XKR4: variants seen among roughly 807,000 people sequenced by gnomAD.
XKR4 encodes XK-related protein 4.
A neutral mutation model predicts 53.9 loss-of-function variants in XKR4; 12 were observed. The observed-to-expected ratio is 0.22, with a 90% CI of 0.14 to 0.36. The LOEUF is 0.36. XKR4 is among the 10% of genes least tolerant of loss of function. XKR4 has a pLI of 1.00. For missense variants in XKR4, 799 were observed against 859.5 expected, an observed-to-expected ratio of 0.93 and a Z score of 0.88; for synonymous variants, 354 against 362.4, an observed-to-expected ratio of 0.98 and a Z score of 0.26.
At chr8:55,313,254 A>G (rs1442717236) in intron 1 of XKR4, among the ~76,000 whole-genome samples, 3 of 152,210 alleles carry the variant, frequency 2.0e-5, no homozygotes, top group South Asian at 4.1e-4. Context: ...AGTAGGAGGA[A>G]TATTTTAGGG....
intron 2 of XKR4, chr8:55,452,074 G>A: frequency 1.4e-6 from 1 of 705,294 alleles, no homozygotes; most frequent in Admixed American, 2.0e-5. Context: ...GTGACTCGGG[G>A]TGGCTGGCCG....
chr8:55,205,988 G>C (rs1464057817), intron 1 of XKR4, among the ~76,000 whole-genome samples: 2 of 152,178 alleles, frequency 1.3e-5, no homozygotes, highest in African/African-American at 4.8e-5. Flanking sequence ...ACAGACCTTT[G>C]CAGTGAGTGT....
At chr8:55,449,126 G>A (rs530979036) in intron 2 of XKR4, among the ~76,000 whole-genome samples, 1 of 150,752 alleles carries the variant, frequency 6.6e-6, no homozygotes, top group East Asian at 1.9e-4. Flanking sequence ...ATTGACCAAA[G>A]GTGATAACAA....
chr8:55,275,094 T>C (rs1025901540), intron 1 of XKR4, among the ~76,000 whole-genome samples: 1 of 152,198 alleles, frequency 6.6e-6, no homozygotes, highest in African/African-American at 2.4e-5. Flanking sequence ...AAATGAAACA[T>C]CTGTACAAAA....
chr8:55,488,419 A>C (rs1316036018), intron 2 of XKR4, among the ~76,000 whole-genome samples: 1 of 151,354 alleles, frequency 6.6e-6, no homozygotes, highest in Non-Finnish European at 1.5e-5. Context: ...CATAATTGCC[A>C]AACCTGGAAG....
At chr8:55,200,339 A>C (rs1817563963) in intron 1 of XKR4, among the ~76,000 whole-genome samples, 1 of 152,216 alleles carries the variant, frequency 6.6e-6, no homozygotes, top group African/African-American at 2.4e-5. Context: ...AAGTGCTGGG[A>C]TTACAGGCGT....
intron 1 of XKR4, among the ~76,000 whole-genome samples, chr8:55,307,406 C>A (rs894765659): frequency 6.6e-6 from 1 of 152,284 alleles, no homozygotes; most frequent in African/African-American, 2.4e-5. Context: ...TCTCCCAATA[C>A]TTTGGGAGGC....
intron 1 of XKR4, among the ~76,000 whole-genome samples, chr8:55,257,221 A>G (rs1036246034): frequency 6.6e-6 from 1 of 152,240 alleles, no homozygotes; most frequent in African/African-American, 2.4e-5. Flanking sequence ...GCTTCATTAC[A>G]TATTCTAAGG....
intron 2 of XKR4, among the ~76,000 whole-genome samples, chr8:55,385,079 G>A (rs1183815853): frequency 6.6e-6 from 1 of 152,112 alleles, no homozygotes; most frequent in East Asian, 1.9e-4. Flanking sequence ...GTCAGGTAAA[G>A]AAGGATGCTC....
Position 55,537,856 on chromosome 8 carries a change from A to AT in XKR4, c.*13634dup, listed in dbSNP as rs1807050991. On this transcript the variant is annotated 3_prime_UTR_variant, in exon 3 of 3. Transcript: ENST00000327381. ...AGTTTTGCTTTTCTTTTTCCCTAAG[A>AT]TTTTTACTTCACCAAATCCCATTTC... 6.6e-6 allele frequency: 1 copy of AT among 152,200 alleles called. No homozygotes were observed. Among genetic ancestry groups the AT allele is most frequent in the African/African-American group, 2.4e-5 (1 of 41,524 alleles). 9.4% of individuals were successfully genotyped at this position (152,200 alleles called of 1,614,324 possible).
intron 1 of XKR4, among the ~76,000 whole-genome samples, chr8:55,228,212 A>G (rs1010787765): frequency 6.6e-6 from 1 of 152,180 alleles, no homozygotes; most frequent in Non-Finnish European, 1.5e-5. Context: ...GCACCCGGCC[A>G]TGTCATTACT....
chr8:55,312,512 C>A (rs1819403147), intron 1 of XKR4, among the ~76,000 whole-genome samples: 3 of 152,204 alleles, frequency 2.0e-5, no homozygotes, highest in East Asian at 3.9e-4. Context: ...CCTGGGATCC[C>A]AATTTAGCAC....
In XKR4 at chr8:55,318,477, A is replaced by G. The variant is rs57108792; in HGVS notation, c.807-39201A>G. Among the ~76,000 whole-genome samples, 25 of 152,310 alleles carry G rather than the reference A, an allele frequency of 1.6e-4. 1 individual carries two copies. In the East Asian group the frequency reaches 2.3e-3, roughly 14 times the overall value. ...ACCTCAGTGCCTCTTCTCTGTTCTC[A>G]TTAGCAGTTTGTCCCAAACTCGACC... On this transcript the variant is annotated intron_variant, in intron 1 of 2. Coordinates refer to ENST00000327381, the MANE Select transcript of XKR4 (RefSeq NM_052898.2).
At chr8:55,444,797 T>C (rs922270904) in intron 2 of XKR4, among the ~76,000 whole-genome samples, 1 of 152,254 alleles carries the variant, frequency 6.6e-6, no homozygotes, top group Admixed American at 6.5e-5. Flanking sequence ...TAAAGTTTAA[T>C]ATACACAGCC....
At chr8:55,114,838 G>A (rs1816284172) in intron 1 of XKR4, among the ~76,000 whole-genome samples, 1 of 152,258 alleles carries the variant, frequency 6.6e-6, no homozygotes, top group South Asian at 2.1e-4. Flanking sequence ...ACTGAAATAA[G>A]CAACCAGTGT....
intron 2 of XKR4, among the ~76,000 whole-genome samples, chr8:55,361,325 G>A (rs1803903782): frequency 6.6e-6 from 1 of 152,126 alleles, no homozygotes; most frequent in African/African-American, 2.4e-5. Context: ...AGTGGGATGG[G>A]GAGAAGGAGG....
At chr8:55,304,444 G>T (rs537632683) in intron 1 of XKR4, among the ~76,000 whole-genome samples, 5 of 152,258 alleles carry the variant, frequency 3.3e-5, no homozygotes, top group African/African-American at 2.4e-5. Context: ...GAATAGGTGT[G>T]GTGTGGTGCT....
At chr8:55,421,174 A>C (rs2129392443) in intron 2 of XKR4, among the ~76,000 whole-genome samples, 1 of 152,332 alleles carries the variant, frequency 6.6e-6, no homozygotes, top group African/African-American at 2.4e-5. Context: ...AAGTGTTCTG[A>C]GGTTTATCAA....
chr8:55,438,451 G>A (rs1461718239), intron 2 of XKR4, among the ~76,000 whole-genome samples: 1 of 151,888 alleles, frequency 6.6e-6, no homozygotes, highest in African/African-American at 2.4e-5. Flanking sequence ...TGAGCCGGGC[G>A]TGGTGGTGAG....
Sources: allele counts gnomAD v4.1 joint callset (sites outside exome capture counted in the v4.1 genomes callset), GRCh38; gene constraint gnomAD v4.1.1; transcripts MANE v1.5; gene names NCBI Gene and HGNC (gene_info 2026-07-23, HGNC 2026-07-21).